Variants in LARP4B observed in about 807,000 individuals in gnomAD.
LARP4B encodes the protein La ribonucleoprotein 4B.
A neutral mutation model predicts 89.8 loss-of-function variants in LARP4B; 12 were observed. The ratio of observed to expected loss-of-function variants is 0.13; its 90% CI spans 0.09 to 0.22. The LOEUF is 0.22. LARP4B is among the 10% of genes least tolerant of loss of function. The pLI is 1.00. For synonymous variants in LARP4B, 367 were observed against 363.3 expected (o/e 1.01, Z -0.12); for missense variants, 757 against 947.7 (o/e 0.80, Z 2.64).
chr10:917,353 T>C (rs1836849229), intron 1 of LARP4B, among the ~76,000 whole-genome samples: 1 of 152,238 alleles, frequency 6.6e-6, no homozygotes, highest in African/African-American at 2.4e-5. Context: ...GTATAAACTA[T>C]TCATGAGTAC....
At position 825,075 on chromosome 10, in the gene LARP4B, C is replaced by A. The variant is rs1329800262; in HGVS notation, c.1474G>T (p.Gly492Trp). The change falls in exon 13 of 18, where the codon GGG becomes TGG. Residue 492 changes from glycine (G) to tryptophan (W), a missense_variant. Physicochemically the swap from Gly to Trp is radical, Grantham distance 184. Coordinates refer to ENST00000316157, the MANE Select transcript of LARP4B (RefSeq NM_015155.3). ...TGCTCAACAACTCACCTTCCCCTCC[C>A]TAAACCAGGAGAGGATTCGAGACTG... ...PGSLESSPGLGRGRKNSFGYR... is the reference protein window; with the variant it reads ...PGSLESSPGLWRGRKNSFGYR... 7 of 1,613,980 alleles carry A rather than the reference C, an allele frequency of 4.3e-6. No homozygotes were observed. Among genetic ancestry groups the A allele is most frequent in the Non-Finnish European group, 5.9e-6 (7 of 1,179,872 alleles).
intron 2 of LARP4B, among the ~76,000 whole-genome samples, chr10:884,858 A>G (rs1321649017): frequency 1.3e-5 from 2 of 152,354 alleles, no homozygotes; most frequent in East Asian, 1.9e-4. Context: ...ACATCCTACT[A>G]TAGTGACTAT....
intron 12 of LARP4B, 109 bp downstream of exon 12, chr10:825,655 G>A: frequency 1.4e-6 from 1 of 712,368 alleles, no homozygotes; most frequent in Non-Finnish European, 2.4e-6. Flanking sequence ...GTGTGCTTCA[G>A]GTGGCTCTGT....
intron 3 of LARP4B, among the ~76,000 whole-genome samples, chr10:881,606 A>G (rs1835670470): frequency 6.6e-6 from 1 of 152,186 alleles, no homozygotes; most frequent in African/African-American, 2.4e-5. Context: ...ACTCAGGTAA[A>G]CTTAATGCAA....
chr10:870,584 G>A (rs77104970), intron 3 of LARP4B, among the ~76,000 whole-genome samples: 1,740 of 152,240 alleles, frequency 0.011, 31 homozygotes, highest in African/African-American at 0.039. Flanking sequence ...ATTTAAAGTC[G>A]ACTGTGTAAG....
At position 825,178 on chromosome 10, in the gene LARP4B, T is replaced by C. The variant is rs781536895; in HGVS notation, c.1371A>G (p.Ala457=). The C allele has an allele frequency of 2.5e-6, 4 of 1,614,224 alleles. No individual in the cohort carries two copies. The South Asian group carries it at 3.3e-5, about 13-fold the overall frequency. ...TTTGAATCCGTGTTCTAGTTTGACC[T>C]GCTTGCCTTGTTTGTGGACTCCGGA... The part of the protein sequence containing the change: ...NGVRSPQTRQ[A]GQTRTRIQNP... Residue 457 remains alanine (A), a synonymous_variant, in exon 13 of 18, where the codon GCA becomes GCG. Transcript: ENST00000316157.
intron 3 of LARP4B, among the ~76,000 whole-genome samples, chr10:874,436 A>G (rs1312071082): frequency 1.3e-5 from 2 of 152,340 alleles, no homozygotes; most frequent in South Asian, 2.1e-4. Flanking sequence ...AAGTCTCTTG[A>G]AAGTACTTGA....
the LARP4B span, among the ~76,000 whole-genome samples, chr10:946,183 T>G: frequency 1.3e-5 from 2 of 152,246 alleles, no homozygotes; most frequent in African/African-American, 2.4e-5. Flanking sequence ...CTGCCACTTC[T>G]TCACATTTAT....
At chr10:934,277 G>A (rs1439917546), upstream of LARP4B, among the ~76,000 whole-genome samples, 2 of 151,842 alleles carry the variant, frequency 1.3e-5, no homozygotes, top group Non-Finnish European at 2.9e-5. Flanking sequence ...CAGGCAGATC[G>A]CCCAAGGCCA....
chr10:824,904 G>T (rs570597173), intron 13 of LARP4B, among the ~76,000 whole-genome samples, 161 bp downstream of exon 13: 2 of 152,334 alleles, frequency 1.3e-5, no homozygotes, highest in South Asian at 4.1e-4. Context: ...CAAAAAAGAT[G>T]AAGCCATTTA....
intron 1 of LARP4B, among the ~76,000 whole-genome samples, chr10:892,037 A>C (rs1451089966): frequency 2.0e-5 from 3 of 152,254 alleles, no homozygotes; most frequent in African/African-American, 7.2e-5. Flanking sequence ...ATGGCCTAAA[A>C]GCAGATCTCT....
intron 1 of LARP4B, among the ~76,000 whole-genome samples, chr10:922,189 T>C (rs1836998353): frequency 6.6e-6 from 1 of 152,216 alleles, no homozygotes; most frequent in South Asian, 2.1e-4. Flanking sequence ...CCCTTGCATG[T>C]GCAGTGCACA....
intron 1 of LARP4B, among the ~76,000 whole-genome samples, chr10:926,762 C>T (rs116986336): frequency 6.6e-6 from 1 of 152,176 alleles, no homozygotes; most frequent in African/African-American, 2.4e-5. Context: ...CATGGCCGGG[C>T]GCAGTGGCTC....
At chr10:910,770 G>C (rs1836645426) in intron 1 of LARP4B, among the ~76,000 whole-genome samples, 1 of 152,230 alleles carries the variant, frequency 6.6e-6, no homozygotes. Flanking sequence ...ATGCTTTTAA[G>C]ATTGCAGCTG....
intron 1 of LARP4B, among the ~76,000 whole-genome samples, chr10:901,361 C>T (rs533442130): frequency 2.0e-5 from 3 of 152,306 alleles, no homozygotes; most frequent in South Asian, 4.1e-4. Context: ...GTTTATCTCA[C>T]GGCTGCCAGC....
chr10:896,789 T>A (rs925106634), intron 1 of LARP4B, among the ~76,000 whole-genome samples: 7 of 152,058 alleles, frequency 4.6e-5, no homozygotes, highest in African/African-American at 1.7e-4. Context: ...TGAGAACCAC[T>A]CCACTAATAC....
At chr10:832,695 T>C (rs946429054) in intron 8 of LARP4B, among the ~76,000 whole-genome samples, 1 of 152,054 alleles carries the variant, frequency 6.6e-6, no homozygotes, top group Non-Finnish European at 1.5e-5. Context: ...AAAAACCCCC[T>C]CAATCCAGAA....
chr10:960,016 T>TGTCTTGCA, the LARP4B span, among the ~76,000 whole-genome samples: 1 of 152,046 alleles, frequency 6.6e-6, no homozygotes, highest in Non-Finnish European at 1.5e-5. Flanking sequence ...CATTGTGAAA[T>TGTCTTGCA]GTCTTGCAGT....
Position 885,651 on chromosome 10 carries a change from C to T in LARP4B, c.71G>A (p.Ser24Asn). Residue 24 changes from serine to asparagine, a missense_variant, in exon 2 of 18, where the codon AGC (serine) becomes AAC (asparagine). Physicochemically the swap from Ser to Asn is conservative, Grantham distance 46. Coordinates refer to ENST00000316157, the MANE Select transcript of LARP4B (RefSeq NM_015155.3). ...TTCGACAGCACCCACCAGATGAGCG[C>T]TGTCCTTGCCCTCCTGGACTCTCTG... ...QTQRVQEGKD[S>N]AHLMNGPISQ... 1 of 1,614,008 alleles carries T rather than the reference C, an allele frequency of 6.2e-7. No individual in the cohort carries two copies. Among genetic ancestry groups the T allele is most frequent in the African/African-American group, 1.3e-5 (1 of 75,048 alleles).
Sources: gnomAD v4.1 joint callset for allele counts (sites outside exome capture counted in the v4.1 genomes callset) on GRCh38, gnomAD v4.1.1 for gene constraint, MANE v1.5 for transcripts, NCBI Gene and HGNC (gene_info 2026-07-23, HGNC 2026-07-21) for gene names.